NUAK1: variants seen among roughly 807,000 people sequenced by gnomAD.
NUAK1 encodes NUAK family SNF1-like kinase 1.
Under a neutral mutation model 56.9 loss-of-function variants are expected in NUAK1, and 26 were observed. The observed-to-expected ratio is 0.46, with a 90% CI of 0.33 to 0.63. The LOEUF (loss-of-function observed/expected upper bound fraction) is 0.63, where lower values mean the gene tolerates loss of function less well. NUAK1 is among the 30% of genes least tolerant of loss of function. NUAK1 has a pLI of 0.02. For missense variants in NUAK1, 727 were observed against 876.1 expected (o/e 0.83, Z 2.15); for synonymous variants, 337 against 336.0 (o/e 1.00, Z -0.03).
At chr12:106,111,284 C>T (rs1321593862) in intron 1 of NUAK1, among the ~76,000 whole-genome samples, 1 of 152,122 alleles carries the variant, frequency 6.6e-6, no homozygotes, top group African/African-American at 2.4e-5. Context: ...TCTCTTGGCT[C>T]CTCTCCACCC....
Position 106,072,775 on chromosome 12 carries a change from T to C in NUAK1, c.648A>G (p.Pro216=), listed in dbSNP as rs2032419201. 6.2e-7 allele frequency: 1 copy of C among 1,613,802 alleles called. No individual in the cohort carries two copies. ...DKFLQTFCGS[P]LYASPEIVNG... is the part of the protein sequence containing the mutation. ...TGACAATCTCAGGAGATGCATAGAG[T>C]GGACTCCCACAAAACGTTTGTAAGA... The change falls in exon 5 of 7, where the codon CCA becomes CCG. Residue 216 remains proline (P), a synonymous_variant. Transcript: ENST00000261402.
intron 2 of NUAK1, among the ~76,000 whole-genome samples, chr12:106,104,884 T>C (rs2032785398): frequency 6.6e-6 from 1 of 152,046 alleles, no homozygotes; most frequent in Admixed American, 6.6e-5. Flanking sequence ...GGGACACCAC[T>C]GGTTGGTTTC....
chr12:106,109,616 G>A (rs1193228661), intron 1 of NUAK1, among the ~76,000 whole-genome samples: 3 of 151,704 alleles, frequency 2.0e-5, no homozygotes, highest in Non-Finnish European at 4.4e-5. Context: ...TCTGCTTCAG[G>A]AAGTTGAAGG....
intron 2 of NUAK1, among the ~76,000 whole-genome samples, chr12:106,091,647 C>T (rs1364524236): frequency 6.6e-6 from 1 of 152,138 alleles, no homozygotes; most frequent in Non-Finnish European, 1.5e-5. Flanking sequence ...GTCACACAGG[C>T]AACCAAACAT....
chr12:106,072,364 G>A (rs1357562150), intron 5 of NUAK1, among the ~76,000 whole-genome samples: 3 of 152,178 alleles, frequency 2.0e-5, no homozygotes, highest in Non-Finnish European at 4.4e-5. Flanking sequence ...TAAAGGGCAA[G>A]ATATACATAC....
At chr12:106,077,463 G>T (rs918142862) in intron 4 of NUAK1, among the ~76,000 whole-genome samples, 6 of 152,194 alleles carry the variant, frequency 3.9e-5, no homozygotes, top group African/African-American at 1.4e-4. Flanking sequence ...GGCAAACAGG[G>T]AACCAAAAGC....
intron 2 of NUAK1, among the ~76,000 whole-genome samples, chr12:106,095,820 G>A (rs1170893827): frequency 2.0e-5 from 3 of 152,154 alleles, no homozygotes; most frequent in Non-Finnish European, 4.4e-5. Context: ...TGAGGTGAAG[G>A]CAAGCCTAGC....
At chr12:106,081,040 TA>T (rs1437457580) in intron 4 of NUAK1, among the ~76,000 whole-genome samples, 3 of 152,252 alleles carry the variant, frequency 2.0e-5, no homozygotes, top group Non-Finnish European at 4.4e-5. Context: ...CACATTTTTT[TA>T]AAACCTTGGA....
At chr12:106,108,267 C>T (rs1255587155) in intron 1 of NUAK1, among the ~76,000 whole-genome samples, 2 of 152,176 alleles carry the variant, frequency 1.3e-5, no homozygotes, top group Non-Finnish European at 2.9e-5. Context: ...TCTATCTACA[C>T]AGGCAATAGA....
At position 106,067,003 on chromosome 12, in the gene NUAK1, G is replaced by T. The variant is rs1466016209; in HGVS notation, c.1785C>A (p.Arg595=). ...CAGAGACGCAGCTGCGGATGCGCTG[G>T]CGGGCAGGGCGATTCTCCTGCAAAT... ...LLDLQENRPA[R]QRIRSCVSAE... is the part of the protein sequence containing the mutation. The change falls in exon 7 of 7, where the codon CGC becomes CGA. Residue 595 remains arginine (R), a synonymous_variant. Transcript: ENST00000261402. This position sits in a 1 kb window ranked among gnomAD's most constrained non-coding sequence, Gnocchi z 6.0. The T allele has an allele frequency of 6.2e-7, 1 of 1,614,260 alleles. No homozygotes were observed. The highest frequency in any genetic ancestry group is 1.7e-5 in the Admixed American group (1 of 60,036).
intron 1 of NUAK1, among the ~76,000 whole-genome samples, chr12:106,130,959 A>G (rs2033071851): frequency 6.6e-6 from 1 of 152,204 alleles, no homozygotes; most frequent in Non-Finnish European, 1.5e-5. Context: ...CACTAGCCCA[A>G]GGTCACACAG....
At chr12:106,113,235 C>G (rs545953425) in intron 1 of NUAK1, among the ~76,000 whole-genome samples, 95 of 152,260 alleles carry the variant, frequency 6.2e-4, no homozygotes, top group Middle Eastern at 3.4e-3. Flanking sequence ...ATTCACACTC[C>G]CTGTTGAGGT....
chr12:106,099,626 C>A (rs1217445132), intron 2 of NUAK1, among the ~76,000 whole-genome samples: 1 of 152,032 alleles, frequency 6.6e-6, no homozygotes, highest in African/African-American at 2.4e-5. Context: ...TAGTTGGTAA[C>A]CTTAGAAAAT....
chr12:106,132,748 C>G (rs1282962285), intron 1 of NUAK1, among the ~76,000 whole-genome samples: 2 of 152,202 alleles, frequency 1.3e-5, no homozygotes, highest in Non-Finnish European at 2.9e-5. Flanking sequence ...TCTCTTCTCC[C>G]TAACTTGGCT....
chr12:106,066,802 C>A lies in NUAK1; in HGVS notation c.1986G>T (p.Ter662TyrextTer31). 1 of 1,603,800 alleles carries A rather than the reference C, an allele frequency of 6.2e-7. No homozygotes were observed. The change falls in exon 7 of 7, where the codon TAG becomes TAT. Residue 662 changes from the stop codon to tyrosine, a stop_lost. Coordinates refer to ENST00000261402, the MANE Select transcript of NUAK1 (RefSeq NM_014840.3). The part of the protein sequence containing the change: ...QALEICSKLN[*>Y] The stretch of plus-strand genomic sequence containing the variant: ...GCCCGCCCCTGGGCGCCCTGGAATG[C>A]TAGTTGAGCTTGCTGCAGATCTCCA...
At chr12:106,072,344 G>T (rs923485188) in intron 5 of NUAK1, among the ~76,000 whole-genome samples, 29 of 152,270 alleles carry the variant, frequency 1.9e-4, no homozygotes, top group African/African-American at 6.7e-4. Context: ...CCACAAGATA[G>T]TTTTCATAGT....
chr12:106,104,293 T>G (rs2032778400), intron 2 of NUAK1: 1 of 152,276 alleles, frequency 6.6e-6, no homozygotes, highest in Admixed American at 6.5e-5. Context: ...CTCAAACTCC[T>G]GACCTCAAGT....
intron 2 of NUAK1, among the ~76,000 whole-genome samples, chr12:106,088,491 C>T (rs1332438335): frequency 1.3e-5 from 2 of 152,222 alleles, no homozygotes; most frequent in Non-Finnish European, 1.5e-5. Flanking sequence ...TCTTGGTTTA[C>T]ATACCCAGGT....
chr12:106,115,740 G>A (rs901102511), intron 1 of NUAK1, among the ~76,000 whole-genome samples: 1 of 152,218 alleles, frequency 6.6e-6, no homozygotes, highest in African/African-American at 2.4e-5. Context: ...TGAGGAGTGT[G>A]CTCGGCCCCA....
Sources: allele counts gnomAD v4.1 joint callset (sites outside exome capture counted in the v4.1 genomes callset), GRCh38; gene constraint gnomAD v4.1.1; non-coding constraint Gnocchi (gnomAD v3.1); transcripts MANE v1.5; gene names NCBI Gene and HGNC (gene_info 2026-07-23, HGNC 2026-07-21).